The following EDRF1 variants were observed in gnomAD, a reference collection of about 807,000 sequenced individuals.
The protein encoded by EDRF1 is erythroid differentiation regulatory factor 1, also known as erythroid differentiation-related factor 1.
Under a neutral mutation model 148.7 loss-of-function variants are expected in EDRF1, and 69 were observed. The ratio of observed to expected loss-of-function variants is 0.46; its 90% confidence interval spans 0.38 to 0.57. EDRF1 has a LOEUF of 0.57. Ranked by LOEUF, EDRF1 falls within the 20% of genes least tolerant of loss-of-function variation. The probability of loss-of-function intolerance (pLI) is 0.00; values close to 1 mark genes in which losing one functional copy is unlikely to be tolerated. For synonymous variants in EDRF1, 515 were observed against 532.8 expected (o/e 0.97, Z 0.46); for missense variants, 1,118 against 1,478.7 (o/e 0.76, Z 4.00).
rs1040653968 is a variant in EDRF1, at chr10:125,749,065, A to G, written c.3124-347A>G. 21 of 334,546 alleles carry G rather than the reference A, an allele frequency of 6.3e-5. No homozygotes were observed. In the Admixed American group the frequency reaches 8.6e-4, roughly 14 times the overall value. 20.7% of individuals were successfully genotyped at this position (334,546 alleles called of 1,614,324 possible). On this transcript the variant is annotated intron_variant, in intron 21 of 24. Transcript: ENST00000356792. ...CGGGAGTTAGAGAGCAGCCTAGCCA[A>G]CATGACAAAACCCCAGAAAAAAATT...
intron 22 of EDRF1, among the ~76,000 whole-genome samples, chr10:125,751,404 G>GTTT (rs60964364): frequency 1.3e-3 from 181 of 140,258 alleles, no homozygotes; most frequent in Non-Finnish European, 1.3e-3. Flanking sequence ...TTTACCCAGT[G>GTTT]TTTTTTTTTT....
chr10:125,747,308 A>C lies in EDRF1; in HGVS notation c.2815-228A>C, dbSNP rs1849410583. 5.4e-6 allele frequency: 3 copies of C among 556,108 alleles called. No homozygotes were observed. In the Admixed American group the frequency reaches 9.4e-5, roughly 17 times the overall value. The allele number at this position is 556,108 out of a possible 1,614,324, so 34.4% of individuals were successfully genotyped here. Reference sequence around the variant, plus strand: ...GCAGCAGCACGGATTGGCTTCTTGTAGCCTTGAGATGGGAACACAGAGTGG... The same window carrying C: ...GCAGCAGCACGGATTGGCTTCTTGTCGCCTTGAGATGGGAACACAGAGTGG... On this transcript the variant is annotated intron_variant, in intron 19 of 24. Transcript: ENST00000356792.
intron 9 of EDRF1, among the ~76,000 whole-genome samples, chr10:125,732,397 C>A (rs1241408553): frequency 2.6e-5 from 4 of 152,060 alleles, no homozygotes; most frequent in Admixed American, 2.6e-4. Flanking sequence ...ATGTTTTTGT[C>A]ACATGTTCAG....
chr10:125,737,368 A>G lies in EDRF1; in HGVS notation c.1759-550A>G, dbSNP rs569407876. ...GAATGACTTTGTGGTATGGACAGTC[A>G]GCATGAGCTCCAGGGTCCCAGCTCC... On this transcript the variant is annotated intron_variant, in intron 13 of 24. Transcript: ENST00000356792. Among the ~76,000 whole-genome samples, 4 of 152,288 alleles carry G rather than the reference A, an allele frequency of 2.6e-5. No homozygotes were observed. In the South Asian group the frequency reaches 8.3e-4, roughly 32 times the overall value.
Position 125,763,287 on chromosome 10 carries a change from T to G in EDRF1, c.3546-14T>G. On this transcript the variant is annotated splice_polypyrimidine_tract_variant and intron_variant, in intron 24 of 24. Transcript: ENST00000356792. This position sits in a 1 kb window ranked among gnomAD's most constrained non-coding sequence, Gnocchi z 4.3. ...CTGGTCCCTTACCTGTCTCTTTTTCTTTTTTAACCCTAGCAATAACATCGA... is the reference window on the plus strand; with the variant it reads ...CTGGTCCCTTACCTGTCTCTTTTTCGTTTTTAACCCTAGCAATAACATCGA... 9 of 1,609,962 alleles carry G rather than the reference T, an allele frequency of 5.6e-6. No individual in the cohort carries two copies. Among genetic ancestry groups the G allele is most frequent in the Non-Finnish European group, 7.6e-6 (9 of 1,179,546 alleles).
At chr10:125,748,102 T>A in intron 21 of EDRF1, 90 bp downstream of exon 21, 1 of 1,470,562 alleles carries the variant, frequency 6.8e-7, no homozygotes, top group Non-Finnish European at 9.5e-7. Flanking sequence ...ATATATGTCT[T>A]CCTTGACGTC....
At chr10:125,735,055 T>C (rs1387506129) in intron 12 of EDRF1, among the ~76,000 whole-genome samples, 1 of 152,130 alleles carries the variant, frequency 6.6e-6, no homozygotes, top group Non-Finnish European at 1.5e-5. Flanking sequence ...ACTTGAGTGG[T>C]TTATTTGGAT....
At position 125,745,920 on chromosome 10, in the gene EDRF1, A is replaced by G. The variant is rs778049439; in HGVS notation, c.2804A>G (p.Tyr935Cys). 2 of 1,614,206 alleles carry G rather than the reference A, an allele frequency of 1.2e-6. No homozygotes were observed. Among genetic ancestry groups the G allele is most frequent in the South Asian group, 1.1e-5 (1 of 91,088 alleles). Residue 935 changes from tyrosine (Y) to cysteine (C), a missense_variant, in exon 19 of 25, where the codon TAT becomes TGT. Tyr to Cys is a radical substitution (Grantham distance 194). This residue lies in a region of EDRF1 where 954 missense variants were observed against 1,241.4 expected (regional missense o/e 0.77). Transcript: ENST00000356792. ...GAATTTTCACCAGAAGAAGGCTTGTATTATAATAAGGTAACACATTCGCGT... is the reference window on the plus strand; with the variant it reads ...GAATTTTCACCAGAAGAAGGCTTGTGTTATAATAAGGTAACACATTCGCGT... The part of the protein sequence containing the change: ...KREFSPEEGL[Y>C]YNKAIDYYLK...
At chr10:125,749,342 T>C (rs1162841188) in intron 21 of EDRF1, 70 bp from the exon 22 acceptor site, 2 of 1,585,842 alleles carry the variant, frequency 1.3e-6, no homozygotes, top group Non-Finnish European at 1.7e-6. Context: ...GAAAAATAAC[T>C]AAGAAGCACT....
At chr10:125,739,176 G>A (rs917939676) in intron 15 of EDRF1, among the ~76,000 whole-genome samples, 7 of 151,534 alleles carry the variant, frequency 4.6e-5, no homozygotes, top group Non-Finnish European at 8.8e-5. Flanking sequence ...CTGAATCATA[G>A]TGGAAGCGCT....
At chr10:125,733,928 T>TG (rs1848602855) in intron 11 of EDRF1, 144 bp from the exon 12 acceptor site, 1 of 864,956 alleles carries the variant, frequency 1.2e-6, no homozygotes, top group Non-Finnish European at 1.9e-6. Context: ...ATAAACGTTT[T>TG]GGGGGTTGTG....
intron 6 of EDRF1, 28 bp downstream of exon 6, chr10:125,725,866 A>G (rs201111987): frequency 2.0e-4 from 314 of 1,608,700 alleles, no homozygotes; most frequent in Non-Finnish European, 2.5e-4. Context: ...AATTCTAGAA[A>G]CTCACATAGG....
In EDRF1 at chr10:125,725,359, C is replaced by A; in HGVS notation, c.552C>A (p.Leu184=). Residue 184 remains leucine (L), a synonymous_variant, in exon 5 of 25, where the codon CTC becomes CTA. Transcript: ENST00000356792. ...GGTTGAAAGAGTTTTATCAAAGACT[C>A]ATTGATCAGAAGTGGCAGAGGAAGA... ...WTWLKEFYQR[L]IDQKWQRKKK... The A allele has an allele frequency of 1.2e-6, 2 of 1,613,942 alleles. No homozygotes were observed. Among genetic ancestry groups the A allele is most frequent in the Middle Eastern group, 1.6e-4 (1 of 6,062 alleles).
intron 24 of EDRF1, chr10:125,757,076 G>A (rs1325283078): frequency 2.3e-6 from 1 of 425,678 alleles, no homozygotes; most frequent in Non-Finnish European, 4.6e-6. Context: ...GACTCCCAAA[G>A]TGCTGGGATT....
intron 24 of EDRF1, among the ~76,000 whole-genome samples, chr10:125,758,940 C>G (rs1850056465): frequency 6.6e-6 from 1 of 152,174 alleles, no homozygotes; most frequent in Non-Finnish European, 1.5e-5. Flanking sequence ...CCCTTCCCCT[C>G]TCTTCATTGA....
intron 21 of EDRF1, chr10:125,748,985 T>C (rs1849512715): frequency 4.0e-6 from 1 of 247,358 alleles, no homozygotes; most frequent in Non-Finnish European, 8.0e-6. Context: ...TCTTCTCCAG[T>C]TCATGCCTGT....
At chr10:125,756,761 TC>T (rs1849918181) in intron 24 of EDRF1, 2 of 391,396 alleles carry the variant, frequency 5.1e-6, no homozygotes, top group Admixed American at 7.3e-5. Flanking sequence ...AAATTGGGTT[TC>T]CTATAGGTGG....
At position 125,745,968 on chromosome 10, in the gene EDRF1, A is replaced by G. The variant is rs144445421; in HGVS notation, c.2814+38A>G. On this transcript the variant is annotated intron_variant, in intron 19 of 24. Coordinates refer to ENST00000356792, the MANE Select transcript of EDRF1 (RefSeq NM_001202438.2). ...CGTACATGTTGGGCCTCACCCATTC[A>G]CACCTGTCATTTATTTACATTTTGC... The G allele has an allele frequency of 3.3e-5, 53 of 1,586,976 alleles. No homozygotes were observed. In the African/African-American group the frequency reaches 6.7e-4, roughly 20 times the overall value.
At chr10:125,724,675 T>C (rs1006340512) in intron 4 of EDRF1, among the ~76,000 whole-genome samples, 3 of 152,216 alleles carry the variant, frequency 2.0e-5, no homozygotes, top group Non-Finnish European at 4.4e-5. Context: ...GATTCTCAAA[T>C]TGTATGTTGG....
Sources: gnomAD v4.1 joint callset for allele counts (sites outside exome capture counted in the v4.1 genomes callset) on GRCh38, gnomAD v4.1.1 for gene constraint, gnomAD v4.1.1 regional missense constraint, Gnocchi (gnomAD v3.1) non-coding constraint, MANE v1.5 for transcripts, NCBI Gene and HGNC (gene_info 2026-07-23, HGNC 2026-07-21) for gene names.